The following HS3ST4 variants were observed in gnomAD, a reference collection of about 807,000 sequenced individuals.
HS3ST4 encodes heparan sulfate glucosamine 3-O-sulfotransferase 4.
In HS3ST4, 17 loss-of-function variants were observed where a neutral mutation model predicts 29.2. That is an observed-to-expected ratio of 0.58 (90% CI 0.40 to 0.87). HS3ST4 has a LOEUF of 0.87. Among genes scored for constraint, HS3ST4 ranks in the 40% least tolerant of loss-of-function variants. The pLI, the probability that HS3ST4 is intolerant of heterozygous loss-of-function variation, is 0.00. For missense variants in HS3ST4, 627 were observed against 634.5 expected (o/e 0.99, Z 0.13); for synonymous variants, 314 against 285.7 (o/e 1.10, Z -1.00).
chr16:25,902,860 G>A (rs140856560), intron 1 of HS3ST4, among the ~76,000 whole-genome samples: 2,012 of 152,166 alleles, frequency 0.013, 41 homozygotes, highest in African/African-American at 0.046. Context: ...CACCTTAGGA[G>A]GCTGACGCAG....
chr16:26,077,538 A>G (rs1898676902), intron 1 of HS3ST4, among the ~76,000 whole-genome samples: 1 of 152,086 alleles, frequency 6.6e-6, no homozygotes, highest in African/African-American at 2.4e-5. Flanking sequence ...ACTTATTGCC[A>G]CCTGACATGT....
intron 1 of HS3ST4, among the ~76,000 whole-genome samples, chr16:25,842,849 T>G (rs1326095637): frequency 6.6e-6 from 1 of 152,156 alleles, no homozygotes; most frequent in Non-Finnish European, 1.5e-5. Flanking sequence ...AACAAGTTAT[T>G]TTGACTCTCA....
chr16:25,824,833 G>C (rs1366786738), intron 1 of HS3ST4: 1 of 152,192 alleles, frequency 6.6e-6, no homozygotes, highest in Non-Finnish European at 1.5e-5. Flanking sequence ...CTGGCTATCA[G>C]TTCTGCACCT....
At chr16:26,093,501 C>T (rs896900337) in intron 1 of HS3ST4, among the ~76,000 whole-genome samples, 2 of 152,202 alleles carry the variant, frequency 1.3e-5, no homozygotes, top group African/African-American at 4.8e-5. Context: ...CAAACCCCAA[C>T]AGACCTGCAG....
chr16:26,136,412 G>A lies in HS3ST4; in HGVS notation c.*164G>A, dbSNP rs1322106191. ...CCAGTGCTGTTAGCTTAGGCAAACA[G>A]GTGGATCCCATGGCATCCCCATGGA... On this transcript the variant is annotated 3_prime_UTR_variant, in exon 2 of 2. Coordinates refer to ENST00000331351, the MANE Select transcript of HS3ST4 (RefSeq NM_006040.3). 6 of 681,202 alleles carry A rather than the reference G, an allele frequency of 8.8e-6. No homozygotes were observed. In the East Asian group the frequency reaches 1.6e-4, roughly 19 times the overall value. The allele number at this position is 681,202 out of a possible 1,614,324, so 42.2% of individuals were successfully genotyped here.
Position 26,137,318 on chromosome 16 carries a change from T to C in HS3ST4, c.*1070T>C, listed in dbSNP as rs1341875885. The C allele has an allele frequency of 6.6e-6, 1 of 152,064 alleles. No homozygotes were observed. The highest frequency in any genetic ancestry group is 1.9e-4 in the East Asian group (1 of 5,188). 9.4% of individuals were successfully genotyped at this position (152,064 alleles called of 1,614,324 possible). A position where few individuals can be genotyped will look rare whatever the true frequency, so the allele number is the denominator to read the frequency against. ...AAAGGAGCAGTCAGCATTCTTCCAA[T>C]TTGCCCCACCACCACCTCCTCGGGC... On this transcript the variant is annotated 3_prime_UTR_variant, in exon 2 of 2. Coordinates refer to ENST00000331351, the MANE Select transcript of HS3ST4 (RefSeq NM_006040.3).
intron 1 of HS3ST4, among the ~76,000 whole-genome samples, chr16:25,833,403 C>T (rs946444051): frequency 3.9e-5 from 6 of 152,062 alleles, no homozygotes; most frequent in South Asian, 2.1e-4. Context: ...TGTTATTGAA[C>T]GGCTCTAAAC....
chr16:25,935,401 G>A (rs1322991129), intron 1 of HS3ST4, among the ~76,000 whole-genome samples: 1 of 152,094 alleles, frequency 6.6e-6, no homozygotes, highest in Non-Finnish European at 1.5e-5. Flanking sequence ...ATGTATAATG[G>A]CTTGTGTCCA....
At chr16:26,076,326 C>T (rs905303747) in intron 1 of HS3ST4, among the ~76,000 whole-genome samples, 2 of 152,238 alleles carry the variant, frequency 1.3e-5, no homozygotes, top group Non-Finnish European at 2.9e-5. Context: ...TGTACTCAAA[C>T]AATCTAGCTG....
Position 25,705,539 on chromosome 16 carries a change from C to G in HS3ST4, c.734+12388C>G, listed in dbSNP as rs1966370540. ...AATTAGCTAGGCGTGGTGGCACGCA[C>G]CTGTAGTCCCAGCTACTCAGGAGGT... On this transcript the variant is annotated intron_variant, in intron 1 of 1. Coordinates refer to ENST00000331351, the MANE Select transcript of HS3ST4 (RefSeq NM_006040.3). Among the ~76,000 whole-genome samples the G allele has an allele frequency of 1.3e-5, 2 of 152,088 alleles. 1 individual carries two copies. Among genetic ancestry groups the G allele is most frequent in the South Asian group, 4.2e-4 (2 of 4,818 alleles).
intron 1 of HS3ST4, among the ~76,000 whole-genome samples, chr16:25,742,838 G>A (rs796647846): frequency 1.3e-5 from 2 of 152,262 alleles, no homozygotes; most frequent in East Asian, 1.9e-4. Context: ...ATCCAAGGGT[G>A]GATTTCAAAT....
chr16:25,940,692 G>A (rs1407360070), intron 1 of HS3ST4, among the ~76,000 whole-genome samples: 1 of 152,198 alleles, frequency 6.6e-6, no homozygotes, highest in Non-Finnish European at 1.5e-5. Flanking sequence ...CGAGGTTAGG[G>A]AGAGTACTCC....
At chr16:25,905,790 G>A (rs528373425) in intron 1 of HS3ST4, among the ~76,000 whole-genome samples, 105 of 152,256 alleles carry the variant, frequency 6.9e-4, no homozygotes, top group African/African-American at 2.5e-3. Context: ...TAGGATTAGT[G>A]TTATGAAAGA....
At chr16:25,772,960 C>G (rs1024633387) in intron 1 of HS3ST4, among the ~76,000 whole-genome samples, 3 of 152,144 alleles carry the variant, frequency 2.0e-5, no homozygotes, top group Admixed American at 6.5e-5. Context: ...TTTGAAACTA[C>G]AAGGTATCGA....
At chr16:25,699,871 C>T (rs370265157) in intron 1 of HS3ST4, among the ~76,000 whole-genome samples, 6 of 152,122 alleles carry the variant, frequency 3.9e-5, no homozygotes, top group Admixed American at 6.6e-5. Context: ...GAGGATGACA[C>T]GAAATGGCAT....
At chr16:25,888,582 G>A (rs1322787766) in intron 1 of HS3ST4, among the ~76,000 whole-genome samples, 1 of 152,158 alleles carries the variant, frequency 6.6e-6, no homozygotes, top group Non-Finnish European at 1.5e-5. Context: ...TCTCACTGAG[G>A]GCAGGGTGCT....
chr16:25,875,587 T>G (rs904427749), intron 1 of HS3ST4, among the ~76,000 whole-genome samples: 5 of 152,158 alleles, frequency 3.3e-5, no homozygotes, highest in Non-Finnish European at 7.4e-5. Context: ...TCTTGCCCCT[T>G]GATATCTGTC....
intron 1 of HS3ST4, among the ~76,000 whole-genome samples, chr16:26,085,109 G>A (rs1001137743): frequency 2.0e-5 from 3 of 152,142 alleles, no homozygotes; most frequent in Non-Finnish European, 4.4e-5. Flanking sequence ...TTGCTCAACC[G>A]GCTTTCTGGA....
At chr16:26,009,539 C>T (rs1969291239) in intron 1 of HS3ST4, among the ~76,000 whole-genome samples, 1 of 152,292 alleles carries the variant, frequency 6.6e-6, no homozygotes, top group Non-Finnish European at 1.5e-5. Flanking sequence ...AGAGGCACTG[C>T]CTATCCATGC....
Sources: gnomAD v4.1 joint callset for allele counts (sites outside exome capture counted in the v4.1 genomes callset) on GRCh38, gnomAD v4.1.1 for gene constraint, MANE v1.5 for transcripts, NCBI Gene and HGNC (gene_info 2026-07-23, HGNC 2026-07-21) for gene names.